Variants in TENM3 observed in about 807,000 individuals in gnomAD.
TENM3 encodes teneurin transmembrane protein 3.
A neutral mutation model predicts 255.1 loss-of-function variants in TENM3; 63 were observed. That is an observed-to-expected ratio of 0.25 (90% CI 0.20 to 0.30). The LOEUF is 0.30. TENM3 is among the 10% of genes least tolerant of loss of function. The pLI is 1.00. For synonymous variants in TENM3, 1,306 were observed against 1,322.3 expected, an observed-to-expected ratio of 0.99 and a Z score of 0.27; for missense variants, 2,929 against 3,461.1, an observed-to-expected ratio of 0.85 and a Z score of 3.86.
chr4:182,014,117 T>C, the TENM3 span, among the ~76,000 whole-genome samples: 2 of 144,968 alleles, frequency 1.4e-5, no homozygotes, highest in African/African-American at 5.0e-5. Flanking sequence ...TACACATATA[T>C]ACGTATATAT....
chr4:182,000,139 A>G, the TENM3 span, among the ~76,000 whole-genome samples: 1 of 152,044 alleles, frequency 6.6e-6, no homozygotes, highest in African/African-American at 2.4e-5. Flanking sequence ...ACTGTAGTCA[A>G]TTAGATGGGA....
chr4:181,629,237 C>G, the TENM3 span, among the ~76,000 whole-genome samples: 1 of 152,142 alleles, frequency 6.6e-6, no homozygotes, highest in South Asian at 2.1e-4. Flanking sequence ...AGATTTTGGG[C>G]TGAGACAATG....
chr4:182,212,582 C>T (rs1207615636), intron 1 of TENM3, among the ~76,000 whole-genome samples: 1 of 152,168 alleles, frequency 6.6e-6, no homozygotes, highest in Non-Finnish European at 1.5e-5. Context: ...TTAGCCAGTG[C>T]TTCCTTTGAA....
intron 1 of TENM3, among the ~76,000 whole-genome samples, chr4:182,299,496 AGAAT>A (rs1268776460): frequency 1.3e-5 from 2 of 152,234 alleles, no homozygotes; most frequent in African/African-American, 4.8e-5. Context: ...AAGGTGCCAC[AGAAT>A]GAATGCTGCT....
the TENM3 span, among the ~76,000 whole-genome samples, chr4:181,857,122 G>A: frequency 9.2e-5 from 14 of 152,128 alleles, no homozygotes; most frequent in African/African-American, 3.4e-4. Context: ...TCAGATACCA[G>A]TAGGGAATAT....
chr4:181,643,801 G>C, the TENM3 span, among the ~76,000 whole-genome samples: 3 of 152,216 alleles, frequency 2.0e-5, no homozygotes, highest in Non-Finnish European at 2.9e-5. Context: ...GGGTGGGCTG[G>C]TGTGGTGGCT....
the TENM3 span, among the ~76,000 whole-genome samples, chr4:181,931,148 A>T: frequency 2.0e-5 from 3 of 152,170 alleles, no homozygotes; most frequent in Non-Finnish European, 2.9e-5. Flanking sequence ...TCAACATAGT[A>T]TTGGAAGTTC....
At chr4:182,278,069 T>C (rs976496573) in intron 1 of TENM3, among the ~76,000 whole-genome samples, 2 of 152,122 alleles carry the variant, frequency 1.3e-5, no homozygotes, top group Non-Finnish European at 2.9e-5. Context: ...TAACTGCCAA[T>C]AACAAACGTA....
intron 3 of TENM3, among the ~76,000 whole-genome samples, chr4:182,566,715 A>C (rs1743825759): frequency 6.6e-6 from 1 of 152,206 alleles, no homozygotes; most frequent in African/African-American, 2.4e-5. Context: ...GCATTTACAA[A>C]GATGCACACC....
At chr4:182,524,535 T>C (rs1738942417) in intron 3 of TENM3, among the ~76,000 whole-genome samples, 1 of 151,782 alleles carries the variant, frequency 6.6e-6, no homozygotes, top group Non-Finnish European at 1.5e-5. Context: ...TTTTATTTTA[T>C]TTTTTTGTAG....
chr4:182,744,086 G>C (rs1416709694), intron 19 of TENM3: 3 of 681,410 alleles, frequency 4.4e-6, no homozygotes, highest in Admixed American at 1.9e-4. Flanking sequence ...TTTTCTAACT[G>C]TGCTTTCTTT....
the TENM3 span, among the ~76,000 whole-genome samples, chr4:181,570,145 A>ACTGCAAGCTC: frequency 5.1e-3 from 753 of 147,666 alleles, 6 homozygotes; most frequent in African/African-American, 0.018. Context: ...TCCCGGGTTC[A>ACTGCAAGCTC]CGCCATTCTC....
At chr4:182,101,106 GGAAGGAAAGAA>G in the TENM3 span, among the ~76,000 whole-genome samples, 1 of 34,680 alleles carries the variant, frequency 2.9e-5, no homozygotes, top group African/African-American at 1.5e-4. Flanking sequence ...GAGGGAGGGA[GGAAGGAAAGAA>G]GGAAGGAAAG....
intron 3 of TENM3, among the ~76,000 whole-genome samples, chr4:182,400,671 A>T (rs1457296): frequency 6.6e-6 from 1 of 152,360 alleles, no homozygotes; most frequent in African/African-American, 2.4e-5. Context: ...ATTTGAAATG[A>T]ATCTTTAAAA....
intron 1 of TENM3, among the ~76,000 whole-genome samples, chr4:182,206,031 G>A (rs893723118): frequency 2.7e-5 from 4 of 147,906 alleles, no homozygotes; most frequent in Non-Finnish European, 4.5e-5. Flanking sequence ...ACGATCCACC[G>A]AAAGAAGAAA....
chr4:182,377,759 AAG>A (rs1449895988), intron 3 of TENM3, among the ~76,000 whole-genome samples: 1 of 152,140 alleles, frequency 6.6e-6, no homozygotes, highest in African/African-American at 2.4e-5. Flanking sequence ...CAGTTTCCCA[AAG>A]AGAATTATTC....
intron 5 of TENM3, 30 bp from the exon 6 acceptor site, chr4:182,653,741 C>A: frequency 6.3e-7 from 1 of 1,585,044 alleles, no homozygotes; most frequent in African/African-American, 1.4e-5. Flanking sequence ...GGCAGCAGAT[C>A]TTTAAACAAC....
chr4:182,667,660 T>TA (rs1754815004), intron 6 of TENM3, among the ~76,000 whole-genome samples: 1 of 152,176 alleles, frequency 6.6e-6, no homozygotes, highest in Non-Finnish European at 1.5e-5. Context: ...AAAGCATCAT[T>TA]ACATTTCATG....
Position 182,385,700 on chromosome 4 carries a change from T to A in TENM3, c.511+38771T>A, listed in dbSNP as rs189490936. On this transcript the variant is annotated intron_variant, in intron 3 of 27. Transcript: ENST00000511685. ...CTAAATGGGAAATGAAACAAAAAAA[T>A]TTCATATTTTAATGAATTTGTCCTT... Among the ~76,000 whole-genome samples the A allele has an allele frequency of 2.3e-3, 353 of 152,326 alleles. 1 individual carries two copies. Among genetic ancestry groups the A allele is most frequent in the African/African-American group, 7.7e-3 (320 of 41,574 alleles).
Sources: allele counts gnomAD v4.1 joint callset (sites outside exome capture counted in the v4.1 genomes callset), GRCh38; gene constraint gnomAD v4.1.1; transcripts MANE v1.5; gene names NCBI Gene and HGNC (gene_info 2026-07-23, HGNC 2026-07-21).